The following SIAH1 variants were observed in gnomAD, a reference collection of about 807,000 sequenced individuals.
SIAH1 encodes the protein siah E3 ubiquitin protein ligase 1, also known as E3 ubiquitin-protein ligase SIAH1.
Under a neutral mutation model 20.0 loss-of-function variants are expected in SIAH1, and 2 were observed. The observed-to-expected ratio is 0.10, with a 90% CI of 0.04 to 0.31. SIAH1 has a LOEUF of 0.31. Among genes scored for constraint, SIAH1 ranks in the 10% least tolerant of loss-of-function variants. SIAH1 has a pLI of 1.00. For missense variants in SIAH1, 119 were observed against 355.3 expected (o/e 0.33, Z 5.35); for synonymous variants, 118 against 125.3 (o/e 0.94, Z 0.39).
chr16:48,367,087 A>G (rs908228441), intron 1 of SIAH1, among the ~76,000 whole-genome samples: 1 of 152,134 alleles, frequency 6.6e-6, no homozygotes, highest in East Asian at 1.9e-4. Flanking sequence ...CTTTGTAAAG[A>G]TAGGGAGTCC....
chr16:48,374,988 G>C (rs148263621), intron 1 of SIAH1, among the ~76,000 whole-genome samples: 10 of 152,266 alleles, frequency 6.6e-5, no homozygotes, highest in Non-Finnish European at 1.5e-4. Flanking sequence ...CAATAGAGGC[G>C]TGTTATTTAA....
chr16:48,384,608 G>A (rs1263403759), intron 1 of SIAH1, among the ~76,000 whole-genome samples: 5 of 151,964 alleles, frequency 3.3e-5, no homozygotes, highest in Non-Finnish European at 5.9e-5. Context: ...TCCGGCCGAA[G>A]CGGCAGGAAG....
At chr16:48,382,446 TAAAC>T (rs1567378174) in intron 1 of SIAH1, among the ~76,000 whole-genome samples, 1 of 151,984 alleles carries the variant, frequency 6.6e-6, no homozygotes, top group Non-Finnish European at 1.5e-5. Context: ...AGTAGGTGAG[TAAAC>T]AAATACCTAC....
At position 48,377,133 on chromosome 16, in the gene SIAH1, A is replaced by G. The variant is rs536798834; in HGVS notation, c.-3+8071T>C. ...GACTGGCATTAAACTCCTTAAGAAA[A>G]TATTTCTCACTGGCAAGATCTGTTT... On this transcript the variant is annotated intron_variant, in intron 1 of 1. Transcript: ENST00000394725. Among the ~76,000 whole-genome samples, 3 of 152,288 alleles carry G rather than the reference A, an allele frequency of 2.0e-5. No individual in the cohort carries two copies. In the South Asian group the frequency reaches 6.2e-4, roughly 32 times the overall value.
intron 1 of SIAH1, chr16:48,365,765 G>GT: frequency 7.4e-7 from 1 of 1,344,178 alleles, no homozygotes; most frequent in South Asian, 2.2e-5. Context: ...TGTCTCCCAA[G>GT]TTTGTTTTCT....
In SIAH1 at chr16:48,384,819, G is replaced by A. The variant is rs1222639351; in HGVS notation, c.-3+385C>T. On this transcript the variant is annotated intron_variant, in intron 1 of 1. Transcript: ENST00000394725. ...ACACCCCGGGACCCTCCACAACAAA[G>A]GCCGGCACGAGGGCGCGGGGCGCGC... is the stretch of plus-strand genomic sequence containing the variant. 3.3e-5 allele frequency among the ~76,000 whole-genome samples: 5 copies of A among 149,424 alleles called. No homozygotes were observed. The South Asian group carries it at 8.3e-4, about 25-fold the overall frequency.
chr16:48,365,284 C>T, intron 1 of SIAH1: 2 of 1,189,400 alleles, frequency 1.7e-6, no homozygotes, highest in East Asian at 2.5e-5. Context: ...ACCTCGGAAA[C>T]GTCTCGATTC....
At chr16:48,370,954 A>T (rs1484457947) in intron 1 of SIAH1, among the ~76,000 whole-genome samples, 1 of 151,868 alleles carries the variant, frequency 6.6e-6, no homozygotes, top group African/African-American at 2.4e-5. Context: ...TCTCTACTAA[A>T]AATACAAAAA....
rs1960558524 is a variant in SIAH1, at chr16:48,360,928, T to C, written c.*652A>G. 6.6e-6 allele frequency: 1 copy of C among 152,212 alleles called. No homozygotes were observed. The highest frequency in any genetic ancestry group is 1.5e-5 in the Non-Finnish European group (1 of 68,042). 9.4% of individuals were successfully genotyped at this position (152,212 alleles called of 1,614,324 possible). A position where few individuals can be genotyped will look rare whatever the true frequency, so the allele number is the denominator to read the frequency against. On this transcript the variant is annotated 3_prime_UTR_variant, in exon 2 of 2. Transcript: ENST00000394725. ...ACAAAATAGCTGATTTTAAAATATT[T>C]CTAATGAACTGATTAATGGGGGAAA...
intron 1 of SIAH1, chr16:48,363,580 C>CA (rs1960698223): frequency 6.0e-6 from 1 of 166,770 alleles, no homozygotes. Flanking sequence ...CAAAGGAGGA[C>CA]AGTCAGGAAG....
At chr16:48,383,227 A>G (rs932069120) in intron 1 of SIAH1, among the ~76,000 whole-genome samples, 2 of 151,082 alleles carry the variant, frequency 1.3e-5, no homozygotes, top group African/African-American at 4.9e-5. Flanking sequence ...GCCAATAACG[A>G]AAAAAAAACT....
At chr16:48,383,851 C>CCAA (rs1961360357) in intron 1 of SIAH1, among the ~76,000 whole-genome samples, 1 of 152,196 alleles carries the variant, frequency 6.6e-6, no homozygotes, top group Non-Finnish European at 1.5e-5. Context: ...TTTCATCATA[C>CCAA]CAACACATCA....
chr16:48,377,240 G>A (rs1418342425), intron 1 of SIAH1, among the ~76,000 whole-genome samples: 1 of 151,370 alleles, frequency 6.6e-6, no homozygotes, highest in Non-Finnish European at 1.5e-5. Context: ...AAACAAAAAC[G>A]AATAAGCAAA....
chr16:48,362,999 AT>A lies in SIAH1; in HGVS notation c.-2-570del, dbSNP rs1163281029. 6.0e-6 allele frequency: 1 copy of A among 166,264 alleles called. No homozygotes were observed. Among genetic ancestry groups the A allele is most frequent in the East Asian group, 1.9e-4 (1 of 5,212 alleles). The allele number at this position is 166,264 out of a possible 1,614,324, so 10.3% of individuals were successfully genotyped here. On this transcript the variant is annotated intron_variant, in intron 1 of 1. Coordinates refer to ENST00000394725, the MANE Select transcript of SIAH1 (RefSeq NM_003031.4). This position sits in a 1 kb window ranked among gnomAD's most constrained non-coding sequence, Gnocchi z 4.2. The stretch of plus-strand genomic sequence containing the variant: ...TTTTAAAATACAGTCTATAACAACT[AT>A]TTACATATTGTTTACATTGTATTAA...
chr16:48,363,876 G>A (rs1960714906), intron 1 of SIAH1: 1 of 165,488 alleles, frequency 6.0e-6, no homozygotes, highest in Non-Finnish European at 1.5e-5. Context: ...TTGTCTTGGG[G>A]GTGAAAAAAA....
intron 1 of SIAH1, among the ~76,000 whole-genome samples, chr16:48,384,965 C>T (rs1363055637): frequency 2.1e-5 from 3 of 146,326 alleles, no homozygotes; most frequent in African/African-American, 7.3e-5. Context: ...CCCCGCCGGG[C>T]CCGGGGCTCC....
intron 1 of SIAH1, among the ~76,000 whole-genome samples, chr16:48,382,281 T>C (rs915273774): frequency 2.6e-5 from 4 of 152,062 alleles, no homozygotes; most frequent in South Asian, 2.1e-4. Context: ...CAGCCACTTA[T>C]GAGGCTAAGG....
chr16:48,362,602 T>C lies in SIAH1; in HGVS notation c.-2-172A>G. ...ATTAAAAAAATAAAATTACACTGAA[T>C]GTGCACTTTATTAGGATCTGTACAC... On this transcript the variant is annotated intron_variant, in intron 1 of 1. Coordinates refer to ENST00000394725, the MANE Select transcript of SIAH1 (RefSeq NM_003031.4). The surrounding 1 kb of genome is among the most constrained non-coding windows in gnomAD (Gnocchi z 4.2). 1.5e-6 allele frequency: 1 copy of C among 658,160 alleles called. No individual in the cohort carries two copies. The highest frequency in any genetic ancestry group is 2.6e-6 in the Non-Finnish European group (1 of 384,300). The allele number at this position is 658,160 out of a possible 1,614,324, so 40.8% of individuals were successfully genotyped here.
chr16:48,372,201 AAG>A (rs1332504781), intron 1 of SIAH1, among the ~76,000 whole-genome samples: 1 of 152,182 alleles, frequency 6.6e-6, no homozygotes, highest in Non-Finnish European at 1.5e-5. Context: ...AAATAGAAAA[AAG>A]TAATGGAATT....
Sources: gnomAD v4.1 joint callset for allele counts (sites outside exome capture counted in the v4.1 genomes callset) on GRCh38, gnomAD v4.1.1 for gene constraint, Gnocchi (gnomAD v3.1) non-coding constraint, MANE v1.5 for transcripts, NCBI Gene and HGNC (gene_info 2026-07-23, HGNC 2026-07-21) for gene names.